SMARCA4: variants seen among roughly 807,000 people sequenced by gnomAD.
SMARCA4 encodes SWI/SNF-related matrix-associated actin-dependent regulator of chromatin subfamily A member 4.
Under a neutral mutation model 193.9 loss-of-function variants are expected in SMARCA4, and 31 were observed. The observed-to-expected ratio is 0.16, with a 90% CI of 0.12 to 0.22. The LOEUF is 0.22. Among genes scored for constraint, SMARCA4 ranks in the 10% least tolerant of loss-of-function variants. The pLI is 1.00. For missense variants in SMARCA4, 1,148 were observed against 2,296.0 expected, an observed-to-expected ratio of 0.50 and a Z score of 10.22; for synonymous variants, 942 against 933.1, an observed-to-expected ratio of 1.01 and a Z score of -0.17.
intron 30 of SMARCA4, among the ~76,000 whole-genome samples, chr19:11,050,035 G>A (rs2076170301): frequency 6.6e-6 from 1 of 152,180 alleles, no homozygotes. Flanking sequence ...CCAGGAGGAG[G>A]TTTCGGTGAG....
At chr19:10,982,262 T>G (rs2085613194) in intron 1 of SMARCA4, among the ~76,000 whole-genome samples, 1 of 151,896 alleles carries the variant, frequency 6.6e-6, no homozygotes, top group South Asian at 2.1e-4. Flanking sequence ...GATCACGAGG[T>G]CAGGAGTTCA....
Position 11,019,839 on chromosome 19 carries a change from T to C in SMARCA4, c.2616+138T>C. 1 of 710,998 alleles carries C rather than the reference T, an allele frequency of 1.4e-6. No homozygotes were observed. Among genetic ancestry groups the C allele is most frequent in the Non-Finnish European group, 2.5e-6 (1 of 395,662 alleles). 44.0% of individuals were successfully genotyped at this position (710,998 alleles called of 1,614,324 possible). A position where few individuals can be genotyped will look rare whatever the true frequency, so the allele number is the denominator to read the frequency against. On this transcript the variant is annotated intron_variant, in intron 18 of 34. Transcript: ENST00000344626. This position sits in a 1 kb window ranked among gnomAD's most constrained non-coding sequence, Gnocchi z 6.1. ...TGTGCGTGAAGACAGCTGCCCTGTG[T>C]AGGGGAAAGGCCTAGGTGGGGGCGA...
chr19:11,008,689 G>A (rs1434978468), intron 14 of SMARCA4, among the ~76,000 whole-genome samples: 4 of 152,156 alleles, frequency 2.6e-5, no homozygotes, highest in African/African-American at 7.2e-5. Flanking sequence ...AAAAGCAAGT[G>A]AGGGCTGGGC....
rs1452712657 is a variant in SMARCA4 at position 11,060,041 on chromosome 19, C to T, written c.4769-4C>T. The T allele has an allele frequency of 1.3e-6, 2 of 1,567,302 alleles. No homozygotes were observed. Among genetic ancestry groups the T allele is most frequent in the African/African-American group, 2.7e-5 (2 of 73,616 alleles). On this transcript the variant is annotated splice_region_variant and splice_polypyrimidine_tract_variant and intron_variant, in intron 33 of 34. Transcript: ENST00000344626. Reference sequence around the variant, plus strand: ...GGCTGTCTTTCCCTCCCGGTCCCCTCCAGCTCGGTCCGTCAAAGTGAAGAT... The same window carrying T: ...GGCTGTCTTTCCCTCCCGGTCCCCTTCAGCTCGGTCCGTCAAAGTGAAGAT...
At chr19:11,000,568 G>A (rs1038197963) in intron 11 of SMARCA4, among the ~76,000 whole-genome samples, 1 of 151,584 alleles carries the variant, frequency 6.6e-6, no homozygotes, top group African/African-American at 2.4e-5. Context: ...CAGTTCTGAA[G>A]CCATCTGGAG....
rs1030683197 is a variant in SMARCA4 at position 10,994,844 on chromosome 19, T to C, written c.1436T>C (p.Ile479Thr). The change falls in exon 9 of 35, where the codon ATT becomes ACT. Residue 479 changes from isoleucine (I) to threonine (T), a missense_variant. Transcript: ENST00000344626. ...RQKHQEYLNS[I>T]LQHAKDFKEY... is the part of the protein sequence containing the mutation. The stretch of plus-strand genomic sequence containing the variant: ...TTCCTGCAGGAATACCTCAATAGCA[T>C]TCTCCAGCATGCCAAGGATTTCAAG... The C allele has an allele frequency of 6.2e-7, 1 of 1,614,006 alleles. No homozygotes were observed. Among genetic ancestry groups the C allele is most frequent in the African/African-American group, 1.3e-5 (1 of 74,912 alleles).
At chr19:11,038,434 C>T (rs1389806269) in intron 29 of SMARCA4, among the ~76,000 whole-genome samples, 1 of 152,212 alleles carries the variant, frequency 6.6e-6, no homozygotes. Flanking sequence ...AGGGGGCCTT[C>T]TCCTGGTGCC....
At chr19:10,963,389 AAAG>A (rs1215929558) in intron 1 of SMARCA4, among the ~76,000 whole-genome samples, 3,611 of 150,682 alleles carry the variant, frequency 0.024, 69 homozygotes, top group Non-Finnish European at 0.037. Context: ...AAAAAAAAAA[AAAG>A]AAAAAGAAAG....
In SMARCA4 at chr19:11,007,936, C is replaced by G. The variant is rs1555771583; in HGVS notation, c.2036C>G (p.Pro679Arg). ...EEEEQPQAAQ[P>R]PTLPVEEKKK... is the part of the protein sequence containing the mutation. ...GAAGAGCAGCCGCAGGCAGCACAGCCTCCCACCCTGCCCGTGGAGGAGAAG... is the reference window on the plus strand; with the variant it reads ...GAAGAGCAGCCGCAGGCAGCACAGCGTCCCACCCTGCCCGTGGAGGAGAAG... The change falls in exon 14 of 35, where the codon CCT becomes CGT. Residue 679 changes from proline to arginine, a missense_variant. Physicochemically the swap from Pro to Arg is moderately radical, Grantham distance 103. Transcript: ENST00000344626. 6.2e-7 allele frequency: 1 copy of G among 1,613,770 alleles called. No individual in the cohort carries two copies. The highest frequency in any genetic ancestry group is 8.5e-7 in the Non-Finnish European group (1 of 1,179,810).
chr19:11,008,062 C>T (rs2088413915), intron 14 of SMARCA4, 39 bp downstream of exon 14: 8 of 1,603,690 alleles, frequency 5.0e-6, no homozygotes, highest in Non-Finnish European at 6.8e-6. Context: ...TGCCAGCTTC[C>T]TGTGAGGTGG....
In SMARCA4 at chr19:11,033,230, C is replaced by T. The variant is rs532759212; in HGVS notation, c.3547-60C>T. On this transcript the variant is annotated intron_variant, in intron 25 of 34. Transcript: ENST00000344626. This position sits in a 1 kb window ranked among gnomAD's most constrained non-coding sequence, Gnocchi z 9.8. ...CACCTCTCCAGCTAGTGTCAGAGGC[C>T]ACCTTCCCTTTTATGACCTCCTGGG... 15 of 1,321,194 alleles carry T rather than the reference C, an allele frequency of 1.1e-5. No homozygotes were observed. In the Admixed American group the frequency reaches 2.3e-4, roughly 21 times the overall value. The allele number at this position is 1,321,194 out of a possible 1,614,324, so 81.8% of individuals were successfully genotyped here.
chr19:10,961,399 G>A (rs1171737308), intron 1 of SMARCA4: 2 of 150,070 alleles, frequency 1.3e-5, no homozygotes, highest in Non-Finnish European at 3.0e-5. Context: ...GGCGGGGTGG[G>A]TGGGGGGCCC....
chr19:11,026,600 A>G (rs767366966), intron 23 of SMARCA4, among the ~76,000 whole-genome samples: 2 of 151,430 alleles, frequency 1.3e-5, no homozygotes, highest in African/African-American at 2.4e-5. Flanking sequence ...CCTGGGTTCA[A>G]ATGATTCTCC....
chr19:11,035,267 G>A (rs957494244), intron 29 of SMARCA4, 135 bp downstream of exon 29: 54 of 831,744 alleles, frequency 6.5e-5, no homozygotes, highest in Non-Finnish European at 9.9e-5. Flanking sequence ...GGCTCCGCAG[G>A]CAGCCGAGAG....
intron 30 of SMARCA4, among the ~76,000 whole-genome samples, chr19:11,042,723 A>G (rs2075688951): frequency 6.6e-6 from 1 of 152,234 alleles, no homozygotes; most frequent in African/African-American, 2.4e-5. Flanking sequence ...GTGGTGGTCC[A>G]CACCTGTCAG....
chr19:11,062,075 T>G lies in SMARCA4; in HGVS notation c.*259T>G. On this transcript the variant is annotated 3_prime_UTR_variant, in exon 35 of 35. Coordinates refer to ENST00000344626, the MANE Select transcript of SMARCA4 (RefSeq NM_003072.5). ...GAATTCCGAATTGGGGAACACACGA[T>G]ACCTGTTTTTCTTTTCCGTTGCTGG... 1.8e-6 allele frequency: 1 copy of G among 560,448 alleles called. No individual in the cohort carries two copies. Among genetic ancestry groups the G allele is most frequent in the Non-Finnish European group, 3.2e-6 (1 of 310,526 alleles). 34.7% of individuals were successfully genotyped at this position (560,448 alleles called of 1,614,324 possible).
chr19:10,974,639 G>T (rs2084947893), intron 1 of SMARCA4, among the ~76,000 whole-genome samples: 2 of 124,946 alleles, frequency 1.6e-5, no homozygotes, highest in African/African-American at 3.0e-5. Context: ...TTTTCTTTGG[G>T]GTAATTTCTA....
chr19:10,989,096 A>G (rs1440427150), intron 6 of SMARCA4, among the ~76,000 whole-genome samples: 1 of 152,200 alleles, frequency 6.6e-6, no homozygotes, highest in Non-Finnish European at 1.5e-5. Flanking sequence ...GGGCGCGTCT[A>G]TCAGGAATCT....
intron 1 of SMARCA4, among the ~76,000 whole-genome samples, chr19:10,979,481 C>G (rs2085394673): frequency 6.7e-6 from 1 of 149,462 alleles, no homozygotes; most frequent in Non-Finnish European, 1.5e-5. Flanking sequence ...CAGCCTTGAC[C>G]TCCTGGGCTC....
Sources: allele counts gnomAD v4.1 joint callset (sites outside exome capture counted in the v4.1 genomes callset), GRCh38; gene constraint gnomAD v4.1.1; non-coding constraint Gnocchi (gnomAD v3.1); transcripts MANE v1.5; gene names NCBI Gene and HGNC (gene_info 2026-07-23, HGNC 2026-07-21).